The following MYH11 variants were observed in gnomAD, a reference collection of about 807,000 sequenced individuals.
MYH11 encodes the protein myosin heavy chain 11.
In MYH11, 80 loss-of-function variants were observed where a neutral mutation model predicts 246.6. That is an observed-to-expected ratio of 0.32 (90% CI 0.27 to 0.39). MYH11 has a LOEUF of 0.39. MYH11 is among the 10% of genes least tolerant of loss of function. The pLI, the probability that MYH11 is intolerant of heterozygous loss-of-function variation, is 1.00. For missense variants in MYH11, 2,158 were observed against 2,546.8 expected (o/e 0.85, Z 3.29); for synonymous variants, 1,071 against 1,015.5 (o/e 1.05, Z -1.04).
chr16:15,763,368 G>C (rs1015346829), intron 10 of MYH11, among the ~76,000 whole-genome samples: 1 of 152,004 alleles, frequency 6.6e-6, no homozygotes, highest in Non-Finnish European at 1.5e-5. Flanking sequence ...TATTTTAGAA[G>C]AGATGGTCCC....
rs1018954722 is a variant in MYH11, at chr16:15,750,321, G to A, written c.1875C>T (p.Ile625=). The A allele has an allele frequency of 5.0e-6, 8 of 1,603,806 alleles. No homozygotes were observed. In the East Asian group the frequency reaches 6.7e-5, roughly 13 times the overall value. ...TCTTGGCCATCTGGTCCAGGCCCAC[G>A]ATGCGGTCCACTATGGGGCACAGCC... ...VADLWKDVDR[I]VGLDQMAKMT... Residue 625 remains isoleucine, a synonymous_variant, in exon 16 of 41, where the codon ATC becomes ATT. Transcript: ENST00000300036. The surrounding 1 kb of genome is among the most constrained non-coding windows in gnomAD (Gnocchi z 4.3).
At chr16:15,815,874 C>T (rs749627894) in intron 3 of MYH11, among the ~76,000 whole-genome samples, 4 of 152,034 alleles carry the variant, frequency 2.6e-5, no homozygotes, top group East Asian at 1.9e-4. Flanking sequence ...TACACACATA[C>T]GAATCAGATT....
At chr16:15,851,674 A>G (rs2044332805) in intron 1 of MYH11, among the ~76,000 whole-genome samples, 1 of 152,130 alleles carries the variant, frequency 6.6e-6, no homozygotes, top group African/African-American at 2.4e-5. Context: ...TCACTTTTAC[A>G]GGAAAAAAAG....
intron 9 of MYH11, among the ~76,000 whole-genome samples, chr16:15,765,480 A>T (rs1233006252): frequency 1.3e-5 from 2 of 152,040 alleles, no homozygotes; most frequent in Non-Finnish European, 2.9e-5. Flanking sequence ...TGATGGATGG[A>T]TGGTAGATGG....
At chr16:15,730,207 G>A (rs117679762) in intron 27 of MYH11, among the ~76,000 whole-genome samples, 2,956 of 151,938 alleles carry the variant, frequency 0.019, 55 homozygotes, top group Non-Finnish European at 0.034. Context: ...CTGCAGAACC[G>A]TGAGCCAATT....
intron 2 of MYH11, among the ~76,000 whole-genome samples, chr16:15,834,469 T>G (rs2043836119): frequency 6.7e-6 from 1 of 150,020 alleles, no homozygotes; most frequent in South Asian, 2.1e-4. Context: ...GAGGTTGCAA[T>G]GAGCCAAGAT....
At chr16:15,820,242 T>C (rs9630619) in intron 3 of MYH11, among the ~76,000 whole-genome samples, 20,831 of 152,144 alleles carry the variant, frequency 0.14, 1,471 homozygotes, top group East Asian at 0.15. Flanking sequence ...TATGGGAGGC[T>C]GAGGCGGGCA....
chr16:15,811,977 A>G (rs2043148174), intron 3 of MYH11, among the ~76,000 whole-genome samples: 1 of 152,160 alleles, frequency 6.6e-6, no homozygotes, highest in Non-Finnish European at 1.5e-5. Context: ...GAGGGGCTCC[A>G]AAGTGGTTCT....
chr16:15,824,739 C>T (rs1464010561), intron 2 of MYH11, among the ~76,000 whole-genome samples: 2 of 152,310 alleles, frequency 1.3e-5, no homozygotes, highest in East Asian at 1.9e-4. Flanking sequence ...CAAGCTCTCT[C>T]TCCTCCCACC....
At chr16:15,856,242 G>A (rs1429302656) in intron 1 of MYH11, among the ~76,000 whole-genome samples, 2 of 146,422 alleles carry the variant, frequency 1.4e-5, no homozygotes, top group Non-Finnish European at 3.0e-5. Flanking sequence ...TTAATTTGGA[G>A]AAGAGGAAAA....
chr16:15,767,274 T>C (rs2042004747), intron 9 of MYH11, among the ~76,000 whole-genome samples: 1 of 151,996 alleles, frequency 6.6e-6, no homozygotes, highest in Non-Finnish European at 1.5e-5. Flanking sequence ...TCTCAATAAG[T>C]CCCATGAGCC....
intron 6 of MYH11, among the ~76,000 whole-genome samples, chr16:15,780,430 T>C (rs1345709409): frequency 1.3e-5 from 2 of 150,954 alleles, no homozygotes. Context: ...TGTTTGTAAT[T>C]AGCCAGGCTT....
intron 5 of MYH11, chr16:15,782,858 G>C (rs537294070): frequency 5.0e-6 from 1 of 199,876 alleles, no homozygotes; most frequent in Non-Finnish European, 1.0e-5. Context: ...CATGGCAGTC[G>C]TGCTGCTGTT....
intron 3 of MYH11, 113 bp downstream of exon 3, chr16:15,823,142 C>G: frequency 6.9e-7 from 1 of 1,446,496 alleles, no homozygotes; most frequent in Non-Finnish European, 9.6e-7. Context: ...GCCACAGTAA[C>G]TCCTGGTCCC....
At chr16:15,771,334 T>G (rs1384705780) in intron 9 of MYH11, among the ~76,000 whole-genome samples, 1 of 152,092 alleles carries the variant, frequency 6.6e-6, no homozygotes, top group Non-Finnish European at 1.5e-5. Flanking sequence ...GTTAGTCACT[T>G]TCCCTTTGGT....
rs565689564 is a variant in MYH11 at position 15,711,854 on chromosome 16, G to A, written c.5786+3055C>T. On this transcript the variant is annotated intron_variant, in intron 40 of 40. Coordinates refer to ENST00000300036, the MANE Select transcript of MYH11 (RefSeq NM_002474.3). ...ATTACAGGCACGCCCCACCATACCC[G>A]GCTAATTTTTGTGTTTTTAGTAGAG... is the stretch of plus-strand genomic sequence containing the variant. 5.3e-5 allele frequency among the ~76,000 whole-genome samples: 8 copies of A among 152,122 alleles called. No individual in the cohort carries two copies. The East Asian group carries it at 5.8e-4, about 11-fold the overall frequency.
At position 15,703,384 on chromosome 16, in the gene MYH11, C is replaced by T. The variant is rs1308010477; in HGVS notation, c.*607G>A. ...GGAATGAATTGGGAGTGGGGGCCGG[C>T]GGCACCCATTTCGGTGACTTTCTCC... On this transcript the variant is annotated 3_prime_UTR_variant, in exon 41 of 41. Coordinates refer to ENST00000300036, the MANE Select transcript of MYH11 (RefSeq NM_002474.3). The T allele has an allele frequency of 4.6e-5, 11 of 237,350 alleles. No individual in the cohort carries two copies. Among genetic ancestry groups the T allele is most frequent in the African/African-American group, 6.6e-5 (3 of 45,150 alleles). 14.7% of individuals were successfully genotyped at this position (237,350 alleles called of 1,614,324 possible). A position where few individuals can be genotyped will look rare whatever the true frequency, so the allele number is the denominator to read the frequency against.
At chr16:15,813,958 G>A (rs2043198334) in intron 3 of MYH11, among the ~76,000 whole-genome samples, 2 of 149,444 alleles carry the variant, frequency 1.3e-5, no homozygotes. Flanking sequence ...AGCTCGAGAC[G>A]AGCCTGGCCA....
Position 15,708,818 on chromosome 16 carries a change from G to A in MYH11, c.5787-4695C>T, listed in dbSNP as rs754183610. The A allele has an allele frequency of 2.2e-5, 36 of 1,608,966 alleles. No homozygotes were observed. The highest frequency in any genetic ancestry group is 5.1e-5 in the Admixed American group (3 of 59,160). ...GGCATGATACCTGGTGCATCACTGC[G>A]AAGTTTCCTGTGGGGGGGGCCCTCT... On this transcript the variant is annotated intron_variant, in intron 40 of 40. Coordinates refer to ENST00000300036, the MANE Select transcript of MYH11 (RefSeq NM_002474.3).
Sources: allele counts gnomAD v4.1 joint callset (sites outside exome capture counted in the v4.1 genomes callset), GRCh38; gene constraint gnomAD v4.1.1; non-coding constraint Gnocchi (gnomAD v3.1); transcripts MANE v1.5; gene names NCBI Gene and HGNC (gene_info 2026-07-23, HGNC 2026-07-21).